TPO: variants seen among roughly 807,000 people sequenced by gnomAD.
TPO encodes the protein thyroid peroxidase.
A neutral mutation model predicts 96.9 loss-of-function variants in TPO; 78 were observed. That is an observed-to-expected ratio of 0.81 (90% CI 0.67 to 0.97). The LOEUF is 0.97. Ranked by LOEUF, TPO falls within the 50% of genes least tolerant of loss-of-function variation. The pLI, the probability that TPO is intolerant of heterozygous loss-of-function variation, is 0.00. For missense variants in TPO, 1,252 were observed against 1,274.8 expected (o/e 0.98, Z 0.27); for synonymous variants, 547 against 538.0 (o/e 1.02, Z -0.23).
At chr2:1,423,173 G>T in intron 3 of TPO, 44 bp downstream of exon 3, 1 of 1,585,488 alleles carries the variant, frequency 6.3e-7, no homozygotes. Flanking sequence ...CCACCGACAG[G>T]CGCATCCTCC....
At chr2:1,491,979 G>T (rs868696141) in intron 10 of TPO, among the ~76,000 whole-genome samples, 1 of 152,160 alleles carries the variant, frequency 6.6e-6, no homozygotes, top group Non-Finnish European at 1.5e-5. Flanking sequence ...GGGCTCGGGG[G>T]AACCCTTGCC....
At chr2:1,386,437 G>A (rs962547124) in intron 1 of TPO, among the ~76,000 whole-genome samples, 3 of 151,938 alleles carry the variant, frequency 2.0e-5, no homozygotes, top group African/African-American at 7.2e-5. Context: ...GTTAGCTCTT[G>A]TTGAATTGAT....
intron 13 of TPO, 50 bp downstream of exon 13, chr2:1,496,815 A>G (rs754507523): frequency 1.1e-5 from 17 of 1,612,370 alleles, no homozygotes; most frequent in African/African-American, 4.0e-5. Flanking sequence ...TGTTTCCGAT[A>G]TAAGTTAACA....
intron 9 of TPO, among the ~76,000 whole-genome samples, chr2:1,486,049 C>G: frequency 6.6e-6 from 1 of 152,160 alleles, no homozygotes; most frequent in Non-Finnish European, 1.5e-5. Context: ...ACATTTAAGT[C>G]TTTAATCCAT....
chr2:1,537,587 TCCC>T (rs1292686508), intron 15 of TPO, among the ~76,000 whole-genome samples: 3 of 50,570 alleles, frequency 5.9e-5, no homozygotes, highest in African/African-American at 1.8e-4. Flanking sequence ...CACCCCCAAA[TCCC>T]CCCATTGTGT....
chr2:1,498,776 G>A (rs1232760726), intron 13 of TPO, among the ~76,000 whole-genome samples: 2 of 152,160 alleles, frequency 1.3e-5, no homozygotes, highest in Non-Finnish European at 1.5e-5. Context: ...ACTATTGCAT[G>A]ACTCCTGACC....
At chr2:1,537,504 C>T (rs111411976) in intron 15 of TPO, among the ~76,000 whole-genome samples, 341 of 30,128 alleles carry the variant, frequency 0.011, 1 homozygote, top group Middle Eastern at 0.023. Context: ...CTCCCCAAAT[C>T]CCCCCAACTC....
chr2:1,476,665 G>A (rs28910595), intron 7 of TPO, among the ~76,000 whole-genome samples: 2,813 of 152,376 alleles, frequency 0.018, 96 homozygotes, highest in African/African-American at 0.065. Context: ...GCAGGAGCGA[G>A]ACTGGCTCAG....
chr2:1,542,325 C>T (rs1680857367), intron 16 of TPO, 96 bp from the exon 17 acceptor site: 3 of 1,515,548 alleles, frequency 2.0e-6, no homozygotes, highest in Non-Finnish European at 1.8e-6. Context: ...GTGAAAAGAG[C>T]TCCTGTCCAG....
chr2:1,525,368 G>A (rs1161889675), intron 15 of TPO, among the ~76,000 whole-genome samples: 2 of 111,202 alleles, frequency 1.8e-5, no homozygotes, highest in Admixed American at 1.2e-4. Flanking sequence ...CTCCCCCACT[G>A]TGAGCAAAAC....
At chr2:1,540,905 A>C in intron 16 of TPO, 182 bp downstream of exon 16, 2 of 1,544,188 alleles carry the variant, frequency 1.3e-6, no homozygotes, top group Non-Finnish European at 1.7e-6. Context: ...CCAGAATGTG[A>C]GCCTGCTTAG....
chr2:1,381,890 C>T (rs977932229), intron 1 of TPO, among the ~76,000 whole-genome samples: 1 of 152,110 alleles, frequency 6.6e-6, no homozygotes, highest in Admixed American at 6.6e-5. Context: ...ATTAGAATAA[C>T]AATTGTCTCT....
intron 8 of TPO, among the ~76,000 whole-genome samples, chr2:1,479,979 G>A (rs985245970): frequency 1.3e-5 from 2 of 152,076 alleles, no homozygotes; most frequent in African/African-American, 2.4e-5. Flanking sequence ...ATGGGGTTTT[G>A]CCATGTTGGC....
intron 14 of TPO, among the ~76,000 whole-genome samples, chr2:1,515,632 C>T (rs979157138): frequency 6.6e-6 from 1 of 152,178 alleles, no homozygotes; most frequent in African/African-American, 2.4e-5. Context: ...GATAGGAAGA[C>T]AGCCATGGAC....
At chr2:1,388,761 C>T (rs985059318) in intron 1 of TPO, among the ~76,000 whole-genome samples, 2 of 152,172 alleles carry the variant, frequency 1.3e-5, no homozygotes, top group African/African-American at 2.4e-5. Flanking sequence ...GAACCTGGTA[C>T]CTCAGTTGGA....
rs751705981 is a variant in TPO, at chr2:1,542,514, C to A, written c.*40C>A. On this transcript the variant is annotated 3_prime_UTR_variant, in exon 17 of 17. Transcript: ENST00000329066. The stretch of plus-strand genomic sequence containing the variant: ...GACACTGCAGAACAGCTTCATGTTC[C>A]CAAAATCACCGTACGACTCTTTTCC... 1 of 1,612,886 alleles carries A rather than the reference C, an allele frequency of 6.2e-7. No individual in the cohort carries two copies. Among genetic ancestry groups the A allele is most frequent in the African/African-American group, 1.3e-5 (1 of 74,900 alleles).
At chr2:1,450,640 C>T (rs922098977) in intron 5 of TPO, among the ~76,000 whole-genome samples, 1 of 152,116 alleles carries the variant, frequency 6.6e-6, no homozygotes, top group Non-Finnish European at 1.5e-5. Context: ...ACCTGCTGAC[C>T]GTGAAGGTCA....
chr2:1,485,313 C>T (rs768537562), intron 9 of TPO, among the ~76,000 whole-genome samples: 12 of 152,152 alleles, frequency 7.9e-5, no homozygotes, highest in Non-Finnish European at 1.6e-4. Flanking sequence ...CACTGATGGA[C>T]ATTTGGGTTG....
At chr2:1,490,665 C>T (rs1283149442) in intron 10 of TPO, among the ~76,000 whole-genome samples, 2 of 152,202 alleles carry the variant, frequency 1.3e-5, no homozygotes, top group African/African-American at 4.8e-5. Context: ...TTCCCCAGGT[C>T]TGAATTCCAG....
Sources: gnomAD v4.1 joint callset for allele counts (sites outside exome capture counted in the v4.1 genomes callset) on GRCh38, gnomAD v4.1.1 for gene constraint, MANE v1.5 for transcripts, NCBI Gene and HGNC (gene_info 2026-07-23, HGNC 2026-07-21) for gene names.